SYNE2: variants seen among roughly 807,000 people sequenced by gnomAD.
The protein encoded by SYNE2 is spectrin repeat containing nuclear envelope protein 2.
SYNE2 carries 431 observed loss-of-function variants against 856.3 expected under a neutral mutation model. The observed-to-expected ratio is 0.50, with a 90% confidence interval of 0.47 to 0.55. The LOEUF (loss-of-function observed/expected upper bound fraction) is 0.55, where lower values mean the gene tolerates loss of function less well. Among genes scored for constraint, SYNE2 ranks in the 20% least tolerant of loss-of-function variants. The pLI, the probability that SYNE2 is intolerant of heterozygous loss-of-function variation, is 0.00. For missense variants in SYNE2, 8,129 were observed against 8,023.2 expected, an observed-to-expected ratio of 1.01 and a Z score of -0.50; for synonymous variants, 2,923 against 2,872.3, an observed-to-expected ratio of 1.02 and a Z score of -0.56.
At chr14:64,103,503 G>A (rs183459564) in intron 64 of SYNE2, among the ~76,000 whole-genome samples, 1 of 152,192 alleles carries the variant, frequency 6.6e-6, no homozygotes, top group South Asian at 2.1e-4. Context: ...AAAACTACGT[G>A]CTTCCTTTGC....
In SYNE2 at chr14:64,025,163, C is replaced by G. The variant is rs747719075; in HGVS notation, c.5994C>G (p.Asn1998Lys). 3 of 1,613,918 alleles carry G rather than the reference C, an allele frequency of 1.9e-6. No homozygotes were observed. The highest frequency in any genetic ancestry group is 1.3e-5 in the African/African-American group (1 of 74,898). The stretch of plus-strand genomic sequence containing the variant: ...TTGAATCTGTGGCCCAATTGAACAA[C>G]TCTTTGAAGGAATATGGGTTTACTG... ...EQFESVAQLN[N>K]SLKEYGFTEE... Residue 1998 changes from asparagine (N) to lysine (K), a missense_variant, in exon 41 of 116, where the codon AAC (asparagine) becomes AAG (lysine). Physicochemically the swap from Asn to Lys is moderately conservative, Grantham distance 94. This residue lies in a region of SYNE2 where 2,422 missense variants were observed against 2,357.4 expected (regional missense o/e 1.03). Coordinates refer to ENST00000555002, the MANE Select transcript of SYNE2 (RefSeq NM_182914.3).
chr14:63,859,308 A>G (rs897346842), intron 1 of SYNE2, among the ~76,000 whole-genome samples: 13 of 151,746 alleles, frequency 8.6e-5, no homozygotes, highest in Admixed American at 4.6e-4. Context: ...ATATTTTTCT[A>G]TTTTCCCTTT....
At chr14:64,023,044 C>T (rs757016553) in intron 38 of SYNE2, 181 bp downstream of exon 38, 165 of 582,778 alleles carry the variant, frequency 2.8e-4, no homozygotes, top group South Asian at 1.6e-3. Context: ...GCCTGGGTCT[C>T]GAACTTTGGT....
chr14:63,818,198 G>T (rs185024553), intron 1 of SYNE2, among the ~76,000 whole-genome samples: 69 of 152,004 alleles, frequency 4.5e-4, no homozygotes, highest in Non-Finnish European at 8.1e-4. Flanking sequence ...AGCTGGGCAT[G>T]GTGGCACATG....
rs375133946 is a variant in SYNE2 at position 64,031,666 on chromosome 14, GA to G, written c.7221+313del. Among the ~76,000 whole-genome samples, 163 of 152,260 alleles carry G rather than the reference GA, an allele frequency of 1.1e-3. 1 individual carries two copies. Among genetic ancestry groups the G allele is most frequent in the African/African-American group, 3.9e-3 (161 of 41,570 alleles). ...GCAAATTAGAAAAGGCGAAAGAAAA[GA>G]AAATGTTCTTTACCTATTTTCTCAG... On this transcript the variant is annotated intron_variant, in intron 45 of 115. Coordinates refer to ENST00000555002, the MANE Select transcript of SYNE2 (RefSeq NM_182914.3).
chr14:64,215,676 A>T lies in SYNE2; in HGVS notation c.19402+322A>T, dbSNP rs17101718. ...CTTTGGCATGGGCCAAGCTTTCTTC[A>T]TGGTGGCTTGGTTTGGAACTGTTTC... On this transcript the variant is annotated intron_variant, in intron 107 of 115. Transcript: ENST00000555002. 1.7e-3 allele frequency: 666 copies of T among 382,712 alleles called. 1 individual carries two copies. Among genetic ancestry groups the T allele is most frequent in the Middle Eastern group, 1.6e-3 (2 of 1,248 alleles). The allele number at this position is 382,712 out of a possible 1,614,324, so 23.7% of individuals were successfully genotyped here.
chr14:63,866,632 C>A (rs921887861), intron 1 of SYNE2, among the ~76,000 whole-genome samples: 1 of 152,140 alleles, frequency 6.6e-6, no homozygotes, highest in African/African-American at 2.4e-5. Flanking sequence ...CTCTAACATA[C>A]ATGATCAAAA....
intron 31 of SYNE2, among the ~76,000 whole-genome samples, chr14:64,008,698 C>CAGGCTGAACTGCCCAGGCTG (rs2096820233): frequency 1.3e-5 from 2 of 152,074 alleles, no homozygotes; most frequent in African/African-American, 2.4e-5. Context: ...GTTATCCCTA[C>CAGGCTGAACTGCCCAGGCTG]AGGCTGAACT....
intron 8 of SYNE2, among the ~76,000 whole-genome samples, chr14:63,958,158 T>C (rs565306021): frequency 6.6e-6 from 1 of 152,340 alleles, no homozygotes; most frequent in South Asian, 2.1e-4. Context: ...CCTATTAACA[T>C]CTTACATTAG....
intron 1 of SYNE2, among the ~76,000 whole-genome samples, chr14:63,833,689 C>A (rs897872116): frequency 1.3e-5 from 2 of 152,178 alleles, no homozygotes; most frequent in African/African-American, 2.4e-5. Flanking sequence ...CTATTAATGG[C>A]ATACAATGTG....
At chr14:63,867,908 T>C (rs1895848196) in intron 1 of SYNE2, among the ~76,000 whole-genome samples, 1 of 151,872 alleles carries the variant, frequency 6.6e-6, no homozygotes, top group African/African-American at 2.4e-5. Flanking sequence ...AAAAATTGCT[T>C]TAATTAGCTA....
At chr14:63,765,710 T>C (rs576890535) in intron 1 of SYNE2, among the ~76,000 whole-genome samples, 130 of 152,256 alleles carry the variant, frequency 8.5e-4, no homozygotes, top group African/African-American at 3.0e-3. Context: ...CTAGTAATAA[T>C]GGTTGAGTTA....
chr14:64,189,090 T>G, intron 98 of SYNE2: 1 of 659,464 alleles, frequency 1.5e-6, no homozygotes, highest in Admixed American at 2.3e-5. Context: ...TCCTAGCACT[T>G]TGGGAGGCCA....
chr14:64,103,194 G>A (rs974184210), intron 64 of SYNE2, among the ~76,000 whole-genome samples: 2 of 152,122 alleles, frequency 1.3e-5, no homozygotes, highest in Non-Finnish European at 2.9e-5. Context: ...TAACAGGAGA[G>A]TACTTTTTTT....
chr14:64,224,846 GTTTA>G, intron 114 of SYNE2, 149 bp from the exon 115 acceptor site: 1 of 779,314 alleles, frequency 1.3e-6, no homozygotes, highest in East Asian at 2.7e-5. Flanking sequence ...TTCAGGTGAC[GTTTA>G]ATCTCAATTG....
chr14:63,776,942 T>C (rs1252420337), intron 1 of SYNE2, among the ~76,000 whole-genome samples: 1 of 152,160 alleles, frequency 6.6e-6, no homozygotes, highest in African/African-American at 2.4e-5. Flanking sequence ...TTTGTACACA[T>C]TCACCATTCT....
At chr14:63,979,726 C>A (rs148882148) in intron 14 of SYNE2, among the ~76,000 whole-genome samples, 1 of 152,114 alleles carries the variant, frequency 6.6e-6, no homozygotes, top group Non-Finnish European at 1.5e-5. Context: ...ATGGCGAAAC[C>A]CTGTCTCTAC....
chr14:63,902,610 C>T (rs372372922), intron 1 of SYNE2, among the ~76,000 whole-genome samples: 7 of 152,028 alleles, frequency 4.6e-5, no homozygotes, highest in East Asian at 3.9e-4. Context: ...TGATAGATTT[C>T]GGTTGCTAGA....
chr14:63,935,781 A>G (rs1165086675), intron 2 of SYNE2, among the ~76,000 whole-genome samples: 5 of 152,332 alleles, frequency 3.3e-5, no homozygotes, highest in East Asian at 3.9e-4. Context: ...CGGGAGGCCA[A>G]CGTGGGAAGA....
Sources: allele counts gnomAD v4.1 joint callset (sites outside exome capture counted in the v4.1 genomes callset), GRCh38; gene constraint gnomAD v4.1.1; regional missense constraint gnomAD v4.1.1; transcripts MANE v1.5; gene names NCBI Gene and HGNC (gene_info 2026-07-23, HGNC 2026-07-21).